Variants in BMERB1 observed in about 807,000 individuals in gnomAD.
BMERB1 encodes the protein bMERB domain containing 1.
In BMERB1, 12 loss-of-function variants were observed where a neutral mutation model predicts 23.6. That is an observed-to-expected ratio of 0.51 (90% CI 0.33 to 0.82). BMERB1 has a LOEUF of 0.82. BMERB1 is among the 40% of genes least tolerant of loss of function. BMERB1 has a pLI of 0.03. For missense variants in BMERB1, 247 were observed against 255.4 expected (o/e 0.97, Z 0.22); for synonymous variants, 122 against 96.6 (o/e 1.26, Z -1.54).
At chr16:15,585,147 T>TA (rs1161193996) in intron 5 of BMERB1, among the ~76,000 whole-genome samples, 1 of 152,190 alleles carries the variant, frequency 6.6e-6, no homozygotes, top group Admixed American at 6.5e-5. Flanking sequence ...CTGGCTCCTA[T>TA]AACCACAAGG....
At chr16:15,560,457 G>T (rs1454768225) in intron 2 of BMERB1, among the ~76,000 whole-genome samples, 1 of 152,180 alleles carries the variant, frequency 6.6e-6, no homozygotes, top group Non-Finnish European at 1.5e-5. Flanking sequence ...TTTCTACAAT[G>T]ATTAGGGATC....
At chr16:15,559,546 T>C (rs1193837892) in intron 2 of BMERB1, among the ~76,000 whole-genome samples, 1 of 152,250 alleles carries the variant, frequency 6.6e-6, no homozygotes, top group Non-Finnish European at 1.5e-5. Flanking sequence ...AATGTTTCTC[T>C]TCCTGGACTG....
intron 1 of BMERB1, among the ~76,000 whole-genome samples, chr16:15,511,977 C>T (rs1049515481): frequency 3.1e-5 from 4 of 127,408 alleles, no homozygotes; most frequent in African/African-American, 5.7e-5. Flanking sequence ...TGCATCACCA[C>T]GCTCCAGCCT....
At chr16:15,506,377 G>A (rs1304932946) in intron 1 of BMERB1, among the ~76,000 whole-genome samples, 1 of 151,864 alleles carries the variant, frequency 6.6e-6, no homozygotes, top group Non-Finnish European at 1.5e-5. Flanking sequence ...GGGTTTCACC[G>A]TGTTAGCCAA....
chr16:15,482,860 T>C (rs1290727528), intron 1 of BMERB1, among the ~76,000 whole-genome samples: 1 of 152,318 alleles, frequency 6.6e-6, no homozygotes, highest in East Asian at 1.9e-4. Context: ...AAGCTTTACA[T>C]GCGTTGTCTC....
intron 2 of BMERB1, among the ~76,000 whole-genome samples, chr16:15,551,319 G>C (rs2030085435): frequency 6.6e-6 from 1 of 152,274 alleles, no homozygotes; most frequent in African/African-American, 2.4e-5. Context: ...CAATGTATCA[G>C]GGACGGGGTG....
rs150704969 is a variant in BMERB1, at chr16:15,538,964, G to A, written c.230+23536G>A. On this transcript the variant is annotated intron_variant, in intron 2 of 5. Coordinates refer to ENST00000300006, the MANE Select transcript of BMERB1 (RefSeq NM_033201.3). ...CCCAACCTCTTTGGCACCAAGGACT[G>A]GTTTCATGGAAGACAATTTTTCCAT... is the stretch of plus-strand genomic sequence containing the variant. 4.4e-3 allele frequency among the ~76,000 whole-genome samples: 672 copies of A among 152,300 alleles called. 10 individuals are homozygous for A. Among genetic ancestry groups the A allele is most frequent in the Middle Eastern group, 0.017 (5 of 294 alleles).
In BMERB1 at chr16:15,583,156, G is replaced by A; in HGVS notation, c.420G>A (p.Arg140=). The change falls in exon 5 of 6, where the codon AGG becomes AGA. Residue 140 remains arginine, a splice_region_variant and synonymous_variant. Coordinates refer to ENST00000300006, the MANE Select transcript of BMERB1 (RefSeq NM_033201.3). Reference sequence around the variant, plus strand: ...TTCTTTTACCCATCTACTTTCACAGGGAGCAAGAAGAAGACAAGGAAATGG... The same window carrying A: ...TTCTTTTACCCATCTACTTTCACAGAGAGCAAGAAGAAGACAAGGAAATGG... ...LVDDAEVERL[R]EQEEDKEMAD... The A allele has an allele frequency of 6.2e-7, 1 of 1,610,464 alleles. No individual in the cohort carries two copies. Among genetic ancestry groups the A allele is most frequent in the Non-Finnish European group, 8.5e-7 (1 of 1,176,790 alleles).
At chr16:15,535,265 T>C (rs1178412688) in intron 2 of BMERB1, among the ~76,000 whole-genome samples, 1 of 152,024 alleles carries the variant, frequency 6.6e-6, no homozygotes, top group Non-Finnish European at 1.5e-5. Flanking sequence ...GTGGGAGGAT[T>C]GCTTGAGCCC....
intron 2 of BMERB1, among the ~76,000 whole-genome samples, chr16:15,519,085 A>ACACACACACG (rs2051815803): frequency 7.0e-6 from 1 of 142,656 alleles, no homozygotes; most frequent in African/African-American, 3.0e-5. Flanking sequence ...ACACACACAC[A>ACACACACACG]CACACACACA....
At chr16:15,529,074 G>A (rs1431380750) in intron 2 of BMERB1, among the ~76,000 whole-genome samples, 1 of 152,122 alleles carries the variant, frequency 6.6e-6, no homozygotes, top group Non-Finnish European at 1.5e-5. Flanking sequence ...GCCCAGGCTG[G>A]AGTGCAGTGG....
chr16:15,455,823 T>C (rs2051083012), intron 1 of BMERB1, among the ~76,000 whole-genome samples: 1 of 152,156 alleles, frequency 6.6e-6, no homozygotes, highest in African/African-American at 2.4e-5. Context: ...TTTAAAACAG[T>C]CTACAGTAGC....
At chr16:15,510,185 C>T (rs1461315837) in intron 1 of BMERB1, among the ~76,000 whole-genome samples, 1 of 152,108 alleles carries the variant, frequency 6.6e-6, no homozygotes, top group Non-Finnish European at 1.5e-5. Flanking sequence ...AGATTAAATT[C>T]CTTTTGTTTT....
Position 15,588,164 on chromosome 16 carries a change from G to GAT in BMERB1, c.*1335_*1336insAT, listed in dbSNP as rs1248922518. 9.9e-5 allele frequency: 15 copies of GAT among 151,862 alleles called. No individual in the cohort carries two copies. The highest frequency in any genetic ancestry group is 7.4e-5 in the Non-Finnish European group (5 of 67,996). The allele number at this position is 151,862 out of a possible 1,614,324, so 9.4% of individuals were successfully genotyped here. Reference sequence around the variant, plus strand: ...TTTTTCATCGTTGACATCATATTGTGGTATCATTTATAACCAGTTTTTTCC... The same window carrying GAT: ...TTTTTCATCGTTGACATCATATTGTGATGTATCATTTATAACCAGTTTTTTCC... On this transcript the variant is annotated 3_prime_UTR_variant, in exon 6 of 6. Transcript: ENST00000300006.
intron 2 of BMERB1, among the ~76,000 whole-genome samples, chr16:15,539,056 T>C (rs1189433724): frequency 6.6e-6 from 1 of 152,210 alleles, no homozygotes; most frequent in Non-Finnish European, 1.5e-5. Flanking sequence ...CTGTGCACTT[T>C]ATTTCTATCA....
chr16:15,572,077 G>A (rs981215068), intron 3 of BMERB1, among the ~76,000 whole-genome samples: 4 of 152,162 alleles, frequency 2.6e-5, no homozygotes, highest in African/African-American at 9.7e-5. Context: ...CAGACACTTT[G>A]CAGCTTACAG....
rs140652584 is a variant in BMERB1, at chr16:15,460,877, C to T, written c.106+26118C>T. Among the ~76,000 whole-genome samples, 912 of 152,162 alleles carry T rather than the reference C, an allele frequency of 6.0e-3. 5 individuals are homozygous for T. Among genetic ancestry groups the T allele is most frequent in the Middle Eastern group, 0.024 (7 of 294 alleles). On this transcript the variant is annotated intron_variant, in intron 1 of 5. Coordinates refer to ENST00000300006, the MANE Select transcript of BMERB1 (RefSeq NM_033201.3). ...GGCGCAGTGGCTCACACCTGTAGTC[C>T]CAGCACTTTGAGAGGCCAAGGCAAG...
intron 1 of BMERB1, among the ~76,000 whole-genome samples, chr16:15,465,776 T>A (rs1403739805): frequency 6.6e-6 from 1 of 152,252 alleles, no homozygotes; most frequent in East Asian, 1.9e-4. Context: ...AATATGTATT[T>A]ATCTTTTCCA....
At chr16:15,565,562 G>A (rs187423682) in intron 2 of BMERB1, among the ~76,000 whole-genome samples, 3 of 152,272 alleles carry the variant, frequency 2.0e-5, no homozygotes, top group Admixed American at 2.0e-4. Flanking sequence ...CAATAAAGAC[G>A]TGCAGGCCAG....
Sources: gnomAD v4.1 joint callset for allele counts (sites outside exome capture counted in the v4.1 genomes callset) on GRCh38, gnomAD v4.1.1 for gene constraint, MANE v1.5 for transcripts, NCBI Gene and HGNC (gene_info 2026-07-23, HGNC 2026-07-21) for gene names.